The following PRDM2 variants were observed in gnomAD, a reference collection of about 807,000 sequenced individuals.
PRDM2 encodes the protein PR domain zinc finger protein 2.
In PRDM2, 30 loss-of-function variants were observed where a neutral mutation model predicts 130.0. That is an observed-to-expected ratio of 0.23 (90% CI 0.17 to 0.31). The LOEUF (loss-of-function observed/expected upper bound fraction) is 0.31, where lower values mean the gene tolerates loss of function less well. Ranked by LOEUF, PRDM2 falls within the 10% of genes least tolerant of loss-of-function variation. PRDM2 has a pLI of 1.00. For synonymous variants in PRDM2, 871 were observed against 782.4 expected (o/e 1.11, Z -1.89); for missense variants, 2,011 against 2,108.4 (o/e 0.95, Z 0.90).
At chr1:13,773,221 GGTGT>G in intron 7 of PRDM2, 33 bp downstream of exon 7, 4 of 1,300,556 alleles carry the variant, frequency 3.1e-6, no homozygotes, top group Non-Finnish European at 3.2e-6. Flanking sequence ...GTCTGAATTG[GGTGT>G]GTATGTACCC....
chr1:13,784,858 G>A (rs896373129), intron 8 of PRDM2, among the ~76,000 whole-genome samples: 6 of 152,126 alleles, frequency 3.9e-5, no homozygotes, highest in Non-Finnish European at 1.5e-5. Context: ...ACTGTGCTGC[G>A]GACACATCTG....
chr1:13,816,330 G>C, intron 8 of PRDM2, 97 bp from the exon 9 acceptor site: 1 of 1,471,338 alleles, frequency 6.8e-7, no homozygotes, highest in Middle Eastern at 1.8e-4. Flanking sequence ...TCCTGGCCTG[G>C]GAAGTGGTGA....
chr1:13,749,587 C>A, intron 6 of PRDM2, 100 bp downstream of exon 6: 1 of 834,556 alleles, frequency 1.2e-6, no homozygotes, highest in South Asian at 5.3e-5. Flanking sequence ...CGAGGCGGGT[C>A]GCGGGCTCGG....
Position 13,778,458 on chromosome 1 carries a change from T to C in PRDM2, c.663T>C (p.Leu221=). ...AAGAGAAGCCTTCAGCCTCAGCACTTGAGCAGCCGGCCACCCTCCAGGAGG... is the reference window on the plus strand; with the variant it reads ...AAGAGAAGCCTTCAGCCTCAGCACTCGAGCAGCCGGCCACCCTCCAGGAGG... ...EDEEKPSASA[L]EQPATLQEVA... is the part of the protein sequence containing the mutation. Residue 221 remains leucine (L), a synonymous_variant, in exon 8 of 10, where the codon CTT becomes CTC. Coordinates refer to ENST00000311066, the MANE Select transcript of PRDM2 (RefSeq NM_001393986.1). 1.9e-6 allele frequency: 3 copies of C among 1,613,650 alleles called. No homozygotes were observed. The highest frequency in any genetic ancestry group is 2.5e-6 in the Non-Finnish European group (3 of 1,179,814).
intron 6 of PRDM2, among the ~76,000 whole-genome samples, chr1:13,767,784 G>A (rs1191104003): frequency 6.6e-6 from 1 of 152,050 alleles, no homozygotes; most frequent in African/African-American, 2.4e-5. Flanking sequence ...AGACCAGCCT[G>A]GACAACAGCA....
At chr1:13,816,197 C>A (rs189306593) in intron 8 of PRDM2, among the ~76,000 whole-genome samples, 2 of 152,178 alleles carry the variant, frequency 1.3e-5, no homozygotes, top group Non-Finnish European at 2.9e-5. Context: ...CTTCTGCGAT[C>A]GCCTCCGAGG....
At chr1:13,818,441 C>T (rs1185343795) in intron 9 of PRDM2, among the ~76,000 whole-genome samples, 5 of 146,298 alleles carry the variant, frequency 3.4e-5, no homozygotes, top group East Asian at 2.0e-4. Flanking sequence ...TGCAGTGGCG[C>T]GATCTTGACT....
chr1:13,816,288 TG>T, intron 8 of PRDM2, 138 bp from the exon 9 acceptor site: 1 of 1,038,186 alleles, frequency 9.6e-7, no homozygotes, highest in Non-Finnish European at 1.4e-6. Context: ...GCCAGGCACC[TG>T]GCCTCAAGGT....
At chr1:13,755,538 T>C (rs537810944) in intron 6 of PRDM2, among the ~76,000 whole-genome samples, 2 of 152,342 alleles carry the variant, frequency 1.3e-5, no homozygotes, top group Non-Finnish European at 2.9e-5. Context: ...CAAAATACTT[T>C]AGTTGATTTT....
At chr1:13,778,071 A>T (rs1376268034) in intron 7 of PRDM2, among the ~76,000 whole-genome samples, 1 of 152,116 alleles carries the variant, frequency 6.6e-6, no homozygotes. Context: ...CTCCAACACG[A>T]TTTTAAACAC....
chr1:13,805,680 G>A (rs1393609698), intron 8 of PRDM2, among the ~76,000 whole-genome samples: 1 of 152,234 alleles, frequency 6.6e-6, no homozygotes, highest in Non-Finnish European at 1.5e-5. Flanking sequence ...CAAATGAATT[G>A]CACTCTGAGA....
chr1:13,705,827 C>T (rs1642192261), intron 1 of PRDM2, among the ~76,000 whole-genome samples: 1 of 151,702 alleles, frequency 6.6e-6, no homozygotes, highest in African/African-American at 2.4e-5. Context: ...ACTAAAAACG[C>T]AAAAATTAGC....
intron 5 of PRDM2, among the ~76,000 whole-genome samples, chr1:13,743,429 C>T (rs1397220943): frequency 7.6e-6 from 1 of 130,798 alleles, no homozygotes; most frequent in East Asian, 2.3e-4. Context: ...AAAAAAAAGA[C>T]AGATCCTCAC....
chr1:13,782,274 A>C lies in PRDM2; in HGVS notation c.4479A>C (p.Ser1493=). ...LSPPKKKVSH[S]SKKGGHSSPA... ...CTCCCAAAAAAAAAGTTTCTCATTC[A>C]TCTAAGAAAGGTGGACACTCATCAC... Residue 1493 remains serine, a synonymous_variant, in exon 8 of 10, where the codon TCA becomes TCC. Transcript: ENST00000311066. 6.2e-7 allele frequency: 1 copy of C among 1,613,826 alleles called. No homozygotes were observed. The highest frequency in any genetic ancestry group is 8.5e-7 in the Non-Finnish European group (1 of 1,179,974).
In PRDM2 at chr1:13,742,220, T is replaced by G; in HGVS notation, c.384+63T>G. ...GCTTGTGTTTTCCTTTTTCTTTTTTTGAGACGGTCTCATTCTGTCTCTCAG... is the reference window on the plus strand; with the variant it reads ...GCTTGTGTTTTCCTTTTTCTTTTTTGGAGACGGTCTCATTCTGTCTCTCAG... On this transcript the variant is annotated intron_variant, in intron 5 of 9. Transcript: ENST00000311066. 3 of 1,532,350 alleles carry G rather than the reference T, an allele frequency of 2.0e-6. No individual in the cohort carries two copies. The South Asian group carries it at 3.5e-5, about 18-fold the overall frequency. The allele number at this position is 1,532,350 out of a possible 1,614,324, so 94.9% of individuals were successfully genotyped here. A position where few individuals can be genotyped will look rare whatever the true frequency, so the allele number is the denominator to read the frequency against.
chr1:13,730,022 CTT>C (rs1643051346), intron 2 of PRDM2, among the ~76,000 whole-genome samples: 1 of 152,132 alleles, frequency 6.6e-6, no homozygotes, highest in Non-Finnish European at 1.5e-5. Flanking sequence ...AAAAATTAAT[CTT>C]TTTTGTTTGG....
At chr1:13,722,316 G>C (rs1027262888) in intron 2 of PRDM2, among the ~76,000 whole-genome samples, 7 of 152,118 alleles carry the variant, frequency 4.6e-5, no homozygotes, top group African/African-American at 1.7e-4. Flanking sequence ...AGGATGTGGA[G>C]GATATTGATC....
intron 9 of PRDM2, 38 bp downstream of exon 9, chr1:13,816,608 GGTGGGTCAAGGGGGT>G: frequency 6.2e-7 from 1 of 1,609,660 alleles, no homozygotes; most frequent in Non-Finnish European, 8.5e-7. Flanking sequence ...GCACTGTTTG[GGTGGGTCAAGGGGGT>G]GTGGGCTTGG....
chr1:13,781,437 C>T lies in PRDM2; in HGVS notation c.3642C>T (p.His1214=), dbSNP rs116517080. The T allele has an allele frequency of 0.021, 33,226 of 1,614,042 alleles. 427 individuals carry two copies. Among genetic ancestry groups the T allele is most frequent in the Non-Finnish European group, 0.025 (29,667 of 1,180,034 alleles). ...TGCAGCAGCACCAGCGAGATCTCCACCCAGATAAGGTGTGCACACATCACG... is the reference window on the plus strand; with the variant it reads ...TGCAGCAGCACCAGCGAGATCTCCATCCAGATAAGGTGTGCACACATCACG... ...CNLQQHQRDL[H]PDKVCTHHEF... Residue 1214 remains histidine (H), a synonymous_variant, in exon 8 of 10, where the codon CAC becomes CAT. Coordinates refer to ENST00000311066, the MANE Select transcript of PRDM2 (RefSeq NM_001393986.1). This position sits in a 1 kb window ranked among gnomAD's most constrained non-coding sequence, Gnocchi z 6.1.
Sources: allele counts gnomAD v4.1 joint callset (sites outside exome capture counted in the v4.1 genomes callset), GRCh38; gene constraint gnomAD v4.1.1; non-coding constraint Gnocchi (gnomAD v3.1); transcripts MANE v1.5; gene names NCBI Gene and HGNC (gene_info 2026-07-23, HGNC 2026-07-21).